Variants in MAP2K5 observed in about 807,000 individuals in gnomAD.
MAP2K5 encodes the protein mitogen-activated protein kinase kinase 5.
A neutral mutation model predicts 83.1 loss-of-function variants in MAP2K5; 49 were observed. The observed-to-expected ratio is 0.59, with a 90% CI of 0.47 to 0.75. MAP2K5 has a LOEUF of 0.75. Ranked by LOEUF, MAP2K5 falls within the 30% of genes least tolerant of loss-of-function variation. The pLI is 0.00. For missense variants in MAP2K5, 457 were observed against 557.5 expected, an observed-to-expected ratio of 0.82 and a Z score of 1.82; for synonymous variants, 202 against 191.8, an observed-to-expected ratio of 1.05 and a Z score of -0.44.
intron 3 of MAP2K5, among the ~76,000 whole-genome samples, chr15:67,568,820 C>T (rs2084893519): frequency 2.0e-5 from 3 of 151,924 alleles, no homozygotes; most frequent in Middle Eastern, 3.4e-3. Context: ...TCCTGACTAA[C>T]ACTGTGAAAC....
rs1166097693 is a variant in MAP2K5 at position 67,592,920 on chromosome 15, T to A, written c.432-6T>A. Reference sequence around the variant, plus strand: ...CTTGCCACTAAAAATTATCTTTCCTTTTCAGCTTAAAGAAGTCTTCTGCTG... The same window carrying A: ...CTTGCCACTAAAAATTATCTTTCCTATTCAGCTTAAAGAAGTCTTCTGCTG... On this transcript the variant is annotated splice_region_variant and splice_polypyrimidine_tract_variant and intron_variant, in intron 6 of 21. Coordinates refer to ENST00000178640, the MANE Select transcript of MAP2K5 (RefSeq NM_145160.3). 1 of 1,605,932 alleles carries A rather than the reference T, an allele frequency of 6.2e-7. No individual in the cohort carries two copies. Among genetic ancestry groups the A allele is most frequent in the Non-Finnish European group, 8.5e-7 (1 of 1,174,280 alleles).
chr15:67,667,504 G>A (rs1021324830), intron 13 of MAP2K5, among the ~76,000 whole-genome samples: 1 of 152,120 alleles, frequency 6.6e-6, no homozygotes, highest in Non-Finnish European at 1.5e-5. Flanking sequence ...GGGGAGCCTG[G>A]TTTAGGCATT....
At chr15:67,553,980 G>T (rs1596550612) in intron 2 of MAP2K5, among the ~76,000 whole-genome samples, 1 of 151,166 alleles carries the variant, frequency 6.6e-6, no homozygotes, top group Admixed American at 6.6e-5. Flanking sequence ...AGGAATTTTG[G>T]AAATATTTCA....
chr15:67,738,131 C>T lies in MAP2K5; in HGVS notation c.1075-10100C>T, dbSNP rs1039104788. ...CCTCCCAGAGTACTGGGATTACAGG[C>T]GTGAGCCACTGCACTTGGCCTAGAA... is the stretch of plus-strand genomic sequence containing the variant. On this transcript the variant is annotated intron_variant, in intron 17 of 21. Transcript: ENST00000178640. The surrounding 1 kb of genome is among the most constrained non-coding windows in gnomAD (Gnocchi z 4.1). Among the ~76,000 whole-genome samples, 9 of 152,054 alleles carry T rather than the reference C, an allele frequency of 5.9e-5. No individual in the cohort carries two copies. Among genetic ancestry groups the T allele is most frequent in the East Asian group, 5.8e-4 (3 of 5,174 alleles).
intron 4 of MAP2K5, among the ~76,000 whole-genome samples, chr15:67,583,330 C>T (rs1390432331): frequency 6.6e-6 from 1 of 152,002 alleles, no homozygotes; most frequent in East Asian, 1.9e-4. Flanking sequence ...GGAGAGGATA[C>T]TTAAAGGAGG....
At chr15:67,806,029 G>A (rs189848867) in intron 21 of MAP2K5, among the ~76,000 whole-genome samples, 44 of 152,276 alleles carry the variant, frequency 2.9e-4, no homozygotes, top group African/African-American at 9.9e-4. Context: ...CAACAGGGCC[G>A]GCCCCTCCAG....
At chr15:67,796,561 C>T (rs1688324891) in intron 21 of MAP2K5, among the ~76,000 whole-genome samples, 1 of 152,186 alleles carries the variant, frequency 6.6e-6, no homozygotes, top group Admixed American at 6.5e-5. Flanking sequence ...ACTCCACCTC[C>T]TGTTCCAGTC....
rs1443095097 is a variant in MAP2K5, at chr15:67,747,686, A to G, written c.1075-545A>G. Among the ~76,000 whole-genome samples, 1 of 152,172 alleles carries G rather than the reference A, an allele frequency of 6.6e-6. No homozygotes were observed. The highest frequency in any genetic ancestry group is 2.4e-5 in the African/African-American group (1 of 41,432). ...GCTGCCCTGGAAACAGGCAGAAGGA[A>G]CTTTGGAAAAGGTGGAGTTGTTACC... is the stretch of plus-strand genomic sequence containing the variant. On this transcript the variant is annotated intron_variant, in intron 17 of 21. Coordinates refer to ENST00000178640, the MANE Select transcript of MAP2K5 (RefSeq NM_145160.3). This position sits in a 1 kb window ranked among gnomAD's most constrained non-coding sequence, Gnocchi z 4.1.
intron 16 of MAP2K5, among the ~76,000 whole-genome samples, chr15:67,727,591 C>T (rs1006728810): frequency 2.2e-4 from 33 of 152,268 alleles, no homozygotes; most frequent in African/African-American, 6.7e-4. Flanking sequence ...GTTTTTACAT[C>T]TCTGTCTAGA....
Position 67,640,868 on chromosome 15 carries a change from A to G in MAP2K5, c.586-5363A>G, listed in dbSNP as rs908635646. ...GTACCATGAATTTCTATTTTATACTATTGAATTTAGAAAATGTTCTGCCTC... is the reference window on the plus strand; with the variant it reads ...GTACCATGAATTTCTATTTTATACTGTTGAATTTAGAAAATGTTCTGCCTC... On this transcript the variant is annotated intron_variant, in intron 9 of 21. Coordinates refer to ENST00000178640, the MANE Select transcript of MAP2K5 (RefSeq NM_145160.3). This position sits in a 1 kb window ranked among gnomAD's most constrained non-coding sequence, Gnocchi z 4.6. Among the ~76,000 whole-genome samples the G allele has an allele frequency of 2.0e-5, 3 of 152,208 alleles. No homozygotes were observed. Among genetic ancestry groups the G allele is most frequent in the African/African-American group, 7.2e-5 (3 of 41,474 alleles).
intron 21 of MAP2K5, among the ~76,000 whole-genome samples, chr15:67,803,244 C>T (rs1013956273): frequency 1.3e-5 from 2 of 152,230 alleles, no homozygotes; most frequent in Admixed American, 1.3e-4. Context: ...GATGGGGTCA[C>T]CTCCCAGCTG....
chr15:67,688,001 G>C (rs2087999650), intron 13 of MAP2K5, among the ~76,000 whole-genome samples: 1 of 152,172 alleles, frequency 6.6e-6, no homozygotes, highest in Admixed American at 6.5e-5. Context: ...GGGGGGTATT[G>C]CTACTGCATA....
In MAP2K5 at chr15:67,562,827, G is replaced by C. The variant is rs1179147417; in HGVS notation, c.185-456G>C. Among the ~76,000 whole-genome samples the C allele has an allele frequency of 2.0e-5, 3 of 152,190 alleles. No homozygotes were observed. The highest frequency in any genetic ancestry group is 7.2e-5 in the African/African-American group (3 of 41,440). On this transcript the variant is annotated intron_variant, in intron 2 of 21. Transcript: ENST00000178640. This position sits in a 1 kb window ranked among gnomAD's most constrained non-coding sequence, Gnocchi z 4.1. ...CATAGATCACAGTGCCTCATGTATT[G>C]TAGTGTTCAGTAAGTGTTAGCCATT... is the stretch of plus-strand genomic sequence containing the variant.
rs1432420255 is a variant in MAP2K5, at chr15:67,777,356, C to A, written c.1242+4604C>A. Among the ~76,000 whole-genome samples, 3 of 152,090 alleles carry A rather than the reference C, an allele frequency of 2.0e-5. 1 individual carries two copies. The highest frequency in any genetic ancestry group is 2.0e-4 in the Admixed American group (3 of 15,272). The stretch of plus-strand genomic sequence containing the variant: ...TATGCATTTAGAGTGTTTCCAGAAG[C>A]TTTCAGTGTCTAAGCTCTATTTAAT... On this transcript the variant is annotated intron_variant, in intron 21 of 21. Transcript: ENST00000178640. The surrounding 1 kb of genome is among the most constrained non-coding windows in gnomAD (Gnocchi z 6.0).
intron 21 of MAP2K5, among the ~76,000 whole-genome samples, chr15:67,773,184 A>G (rs1424023561): frequency 6.6e-6 from 1 of 152,220 alleles, no homozygotes; most frequent in Non-Finnish European, 1.5e-5. Context: ...GATCAAGTTA[A>G]TGTGAATCTT....
At chr15:67,645,901 T>A (rs1039641029) in intron 9 of MAP2K5, among the ~76,000 whole-genome samples, 1 of 152,186 alleles carries the variant, frequency 6.6e-6, no homozygotes, top group African/African-American at 2.4e-5. Flanking sequence ...CCTATGCTCC[T>A]CTTTTGAAAA....
In MAP2K5 at chr15:67,785,861, A is replaced by C. The variant is rs2090407123; in HGVS notation, c.1242+13109A>C. Among the ~76,000 whole-genome samples the C allele has an allele frequency of 6.6e-6, 1 of 152,188 alleles. No homozygotes were observed. The highest frequency in any genetic ancestry group is 2.4e-5 in the African/African-American group (1 of 41,438). ...AACCTGGGAAACTGGAAAGAGATTG[A>C]ATTGGATGTCAGAAAATATAGCTTC... On this transcript the variant is annotated intron_variant, in intron 21 of 21. Coordinates refer to ENST00000178640, the MANE Select transcript of MAP2K5 (RefSeq NM_145160.3). This position sits in a 1 kb window ranked among gnomAD's most constrained non-coding sequence, Gnocchi z 4.4.
At chr15:67,642,446 T>A (rs772649949) in intron 9 of MAP2K5, 3 of 1,611,718 alleles carry the variant, frequency 1.9e-6, no homozygotes, top group South Asian at 2.2e-5. Context: ...CAAGGCAGAA[T>A]GTACATATTG....
At chr15:67,795,036 T>G (rs1287233849) in intron 21 of MAP2K5, among the ~76,000 whole-genome samples, 1 of 152,258 alleles carries the variant, frequency 6.6e-6, no homozygotes, top group Admixed American at 6.5e-5. Flanking sequence ...ACTTCTCCAC[T>G]TCTCATCATC....
Sources: allele counts gnomAD v4.1 joint callset (sites outside exome capture counted in the v4.1 genomes callset), GRCh38; gene constraint gnomAD v4.1.1; non-coding constraint Gnocchi (gnomAD v3.1); transcripts MANE v1.5; gene names NCBI Gene and HGNC (gene_info 2026-07-23, HGNC 2026-07-21).